Variants in TLN2 observed in about 807,000 individuals in gnomAD.
The protein encoded by TLN2 is talin-2.
A neutral mutation model predicts 294.7 loss-of-function variants in TLN2; 118 were observed. The ratio of observed to expected loss-of-function variants is 0.40; its 90% CI spans 0.34 to 0.47. TLN2 has a LOEUF of 0.47. Among genes scored for constraint, TLN2 ranks in the 20% least tolerant of loss-of-function variants. The pLI, the probability that TLN2 is intolerant of heterozygous loss-of-function variation, is 0.84. For missense variants in TLN2, 3,083 were observed against 3,282.2 expected (o/e 0.94, Z 1.48); for synonymous variants, 1,431 against 1,304.5 (o/e 1.10, Z -2.09).
chr15:62,527,011 G>A (rs2140486213), intron 1 of TLN2, among the ~76,000 whole-genome samples: 1 of 152,312 alleles, frequency 6.6e-6, no homozygotes, highest in East Asian at 1.9e-4. Context: ...ACATGCACCT[G>A]TAGACAGGCA....
chr15:62,655,953 T>C lies in TLN2; in HGVS notation c.527T>C (p.Leu176Pro). 1 of 1,614,228 alleles carries C rather than the reference T, an allele frequency of 6.2e-7. No homozygotes were observed. The highest frequency in any genetic ancestry group is 8.5e-7 in the Non-Finnish European group (1 of 1,180,034). The change falls in exon 8 of 59, where the codon CTG becomes CCG. Residue 176 changes from leucine to proline, a missense_variant. Coordinates refer to ENST00000636159, the MANE Select transcript of TLN2 (RefSeq NM_015059.3). Reference protein sequence around the residue: ...KLHTDDDLNWLDHSRTFREQG... With the variant: ...KLHTDDDLNWPDHSRTFREQG... The stretch of plus-strand genomic sequence containing the variant: ...TCTTGTTGTGTTGCAGTAAATTGGC[T>C]GGATCACAGCCGAACATTCAGAGAA...
chr15:62,415,776 G>A (rs2034044513), intron 1 of TLN2, among the ~76,000 whole-genome samples: 2 of 152,214 alleles, frequency 1.3e-5, no homozygotes, highest in Admixed American at 1.3e-4. Context: ...TGCAGTGTGT[G>A]AGGCTGAGAG....
At chr15:62,675,572 T>A (rs2056089138) in intron 11 of TLN2, among the ~76,000 whole-genome samples, 1 of 152,232 alleles carries the variant, frequency 6.6e-6, no homozygotes, top group South Asian at 2.1e-4. Flanking sequence ...GTCAAAGCTA[T>A]AAAGTCCCTG....
chr15:62,397,418 T>A (rs2032640110), intron 1 of TLN2, among the ~76,000 whole-genome samples: 1 of 152,032 alleles, frequency 6.6e-6, no homozygotes, highest in Admixed American at 6.6e-5. Context: ...CCACCATACC[T>A]GGCTAATTTG....
intron 1 of TLN2, among the ~76,000 whole-genome samples, chr15:62,408,709 T>C (rs1223166956): frequency 6.6e-6 from 1 of 152,208 alleles, no homozygotes; most frequent in African/African-American, 2.4e-5. Context: ...ACCATCAGTA[T>C]TACCTGTGAT....
intron 1 of TLN2, among the ~76,000 whole-genome samples, chr15:62,491,189 G>T (rs1490110127): frequency 1.3e-5 from 2 of 152,038 alleles, no homozygotes; most frequent in Non-Finnish European, 2.9e-5. Context: ...GGGCATGGTG[G>T]CACATGCCTA....
intron 1 of TLN2, among the ~76,000 whole-genome samples, chr15:62,584,646 A>T (rs189823035): frequency 6.6e-6 from 1 of 152,312 alleles, no homozygotes; most frequent in African/African-American, 2.4e-5. Flanking sequence ...ATTGGGCTAC[A>T]CTTCAAATTA....
intron 1 of TLN2, among the ~76,000 whole-genome samples, chr15:62,580,534 G>A (rs1370472007): frequency 1.3e-5 from 2 of 151,550 alleles, no homozygotes; most frequent in Non-Finnish European, 2.9e-5. Flanking sequence ...CCTCAGCCTC[G>A]CGAGTAGCCG....
intron 1 of TLN2, among the ~76,000 whole-genome samples, chr15:62,526,732 A>G (rs929958628): frequency 6.6e-6 from 1 of 152,260 alleles, no homozygotes; most frequent in Non-Finnish European, 1.5e-5. Context: ...CTTAGACCCT[A>G]TCCCAAGTAA....
intron 1 of TLN2, among the ~76,000 whole-genome samples, chr15:62,491,345 TATATATACACAC>T (rs1201166435): frequency 0.034 from 3,895 of 114,990 alleles, 208 homozygotes; most frequent in African/African-American, 0.12. Flanking sequence ...AAAATATATA[TATATATACACAC>T]ACACACACAC....
chr15:62,715,084 A>T (rs1233372487), intron 22 of TLN2, among the ~76,000 whole-genome samples: 1 of 152,260 alleles, frequency 6.6e-6, no homozygotes, highest in Non-Finnish European at 1.5e-5. Context: ...AAAATGTTTC[A>T]TTGCTAGATT....
At chr15:62,403,180 G>A (rs1465067504) in intron 1 of TLN2, among the ~76,000 whole-genome samples, 2 of 151,484 alleles carry the variant, frequency 1.3e-5, no homozygotes, top group Admixed American at 6.6e-5. Flanking sequence ...AGAGGTTGCA[G>A]TGAGCCGAGA....
chr15:62,721,982 C>G (rs1263138384), intron 25 of TLN2, among the ~76,000 whole-genome samples: 2 of 152,126 alleles, frequency 1.3e-5, no homozygotes, highest in Non-Finnish European at 2.9e-5. Flanking sequence ...CTTCATTTTT[C>G]TAAGCAGTCT....
At chr15:62,605,863 G>C (rs1298934387) in intron 2 of TLN2, among the ~76,000 whole-genome samples, 1 of 152,140 alleles carries the variant, frequency 6.6e-6, no homozygotes, top group Non-Finnish European at 1.5e-5. Flanking sequence ...CCATCTTCAC[G>C]AAATGTCTCT....
intron 54 of TLN2, chr15:62,828,199 A>G (rs1656843093): frequency 6.6e-6 from 1 of 152,404 alleles, no homozygotes; most frequent in Non-Finnish European, 1.5e-5. Flanking sequence ...GAAGGTCAGC[A>G]TGCAGGGAAG....
At chr15:62,817,883 A>G (rs560245366) in intron 52 of TLN2, among the ~76,000 whole-genome samples, 3 of 145,554 alleles carry the variant, frequency 2.1e-5, no homozygotes, top group East Asian at 2.0e-4. Context: ...CAATGGTGCA[A>G]TCTTGGCTCA....
rs1277850092 is a variant in TLN2 at position 62,477,901 on chromosome 15, GA to G, written c.-238+87217del. On this transcript the variant is annotated intron_variant, in intron 1 of 58. Transcript: ENST00000636159. Reference sequence around the variant, plus strand: ...ATACTGGCAGGTGGTGGGGGGGATGGAGGGGGGGGTGCAGCGGGGGCAGAGG... The same window carrying G: ...ATACTGGCAGGTGGTGGGGGGGATGGGGGGGGGGTGCAGCGGGGGCAGAGG... Among the ~76,000 whole-genome samples the G allele has an allele frequency of 4.9e-3, 696 of 143,072 alleles. 5 individuals carry two copies. Among genetic ancestry groups the G allele is most frequent in the African/African-American group, 0.017 (652 of 38,380 alleles). The allele number at this position is 143,072 out of a possible 152,430, so 93.9% of individuals were successfully genotyped here.
At chr15:62,563,594 T>C (rs1161197583) in intron 1 of TLN2, among the ~76,000 whole-genome samples, 1 of 152,204 alleles carries the variant, frequency 6.6e-6, no homozygotes, top group Non-Finnish European at 1.5e-5. Context: ...TTTAGTTTAA[T>C]TAAGTCCCAC....
At chr15:62,576,828 A>G (rs567020849) in intron 1 of TLN2, among the ~76,000 whole-genome samples, 361 of 152,238 alleles carry the variant, frequency 2.4e-3, no homozygotes, top group African/African-American at 8.4e-3. Flanking sequence ...CGAGGGAAAC[A>G]CTGAGAACAT....
Sources: gnomAD v4.1 joint callset for allele counts (sites outside exome capture counted in the v4.1 genomes callset) on GRCh38, gnomAD v4.1.1 for gene constraint, MANE v1.5 for transcripts, NCBI Gene and HGNC (gene_info 2026-07-23, HGNC 2026-07-21) for gene names.